Variants in PPFIA3 observed in about 807,000 individuals in gnomAD.
The protein encoded by PPFIA3 is liprin-alpha-3.
A neutral mutation model predicts 145.8 loss-of-function variants in PPFIA3; 26 were observed. The ratio of observed to expected loss-of-function variants is 0.18; its 90% CI spans 0.13 to 0.25. PPFIA3 has a LOEUF of 0.25. Among genes scored for constraint, PPFIA3 ranks in the 10% least tolerant of loss-of-function variants. PPFIA3 has a pLI of 1.00. For synonymous variants in PPFIA3, 645 were observed against 661.4 expected, an observed-to-expected ratio of 0.98 and a Z score of 0.38; for missense variants, 1,008 against 1,587.8, an observed-to-expected ratio of 0.63 and a Z score of 6.21.
rs2041051391 is a variant in PPFIA3, at chr19:49,130,174, C to A, written c.657+107C>A. 1 of 1,281,382 alleles carries A rather than the reference C, an allele frequency of 7.8e-7. No individual in the cohort carries two copies. 79.4% of individuals were successfully genotyped at this position (1,281,382 alleles called of 1,614,324 possible). On this transcript the variant is annotated intron_variant, in intron 6 of 29. Transcript: ENST00000334186. This position sits in a 1 kb window ranked among gnomAD's most constrained non-coding sequence, Gnocchi z 4.5. ...CTCACTGGCCCTAAGACGGCTGCAC[C>A]TGTAAGAGTGTCACAGAGCTTGGAC...
Position 49,133,749 on chromosome 19 carries a change from A to G in PPFIA3, c.1162-47A>G. On this transcript the variant is annotated intron_variant, in intron 9 of 29. Transcript: ENST00000334186. The surrounding 1 kb of genome is among the most constrained non-coding windows in gnomAD (Gnocchi z 7.2). The stretch of plus-strand genomic sequence containing the variant: ...TGGAGGAGGTGGGGCTGGGAGCCTG[A>G]CTGATCCTGGAAGGGTAAGTCACAC... The G allele has an allele frequency of 6.3e-7, 1 of 1,587,888 alleles. No individual in the cohort carries two copies. The highest frequency in any genetic ancestry group is 8.6e-7 in the Non-Finnish European group (1 of 1,160,458).
intron 17 of PPFIA3, 34 bp downstream of exon 17, chr19:49,139,865 G>C: frequency 6.2e-7 from 1 of 1,610,450 alleles, no homozygotes; most frequent in Non-Finnish European, 8.5e-7. Context: ...ACAGGGAGAA[G>C]CTGGCTTGGG....
At chr19:49,143,615 C>A (rs1255191065) in intron 21 of PPFIA3, among the ~76,000 whole-genome samples, 1 of 152,290 alleles carries the variant, frequency 6.6e-6, no homozygotes, top group Non-Finnish European at 1.5e-5. Flanking sequence ...TCAGGTGATC[C>A]GCCCGCCTCG....
Position 49,128,347 on chromosome 19 carries a change from T to A in PPFIA3, c.241-20T>A. 2 of 1,611,304 alleles carry A rather than the reference T, an allele frequency of 1.2e-6. No individual in the cohort carries two copies. Among genetic ancestry groups the A allele is most frequent in the Non-Finnish European group, 1.7e-6 (2 of 1,177,542 alleles). On this transcript the variant is annotated intron_variant, in intron 2 of 29. Coordinates refer to ENST00000334186, the MANE Select transcript of PPFIA3 (RefSeq NM_003660.4). The surrounding 1 kb of genome is among the most constrained non-coding windows in gnomAD (Gnocchi z 4.1). ...GAAAGGATTGAGCCGAATGTCCAGA[T>A]CCTGCCAATGTCTGGACAGGAGTTT...
intron 21 of PPFIA3, among the ~76,000 whole-genome samples, chr19:49,145,489 G>A (rs1366118227): frequency 6.6e-6 from 1 of 152,092 alleles, no homozygotes; most frequent in Non-Finnish European, 1.5e-5. Flanking sequence ...ACGGTGACTG[G>A]TGCCTGACAC....
intron 23 of PPFIA3, 191 bp downstream of exon 23, chr19:49,146,383 G>A: frequency 1.5e-6 from 1 of 680,478 alleles, no homozygotes; most frequent in South Asian, 1.9e-5. Flanking sequence ...GATGCGATGT[G>A]GAAGCCCAGA....
intron 12 of PPFIA3, 25 bp downstream of exon 12, chr19:49,134,726 G>A (rs1334139624): frequency 2.5e-6 from 4 of 1,612,794 alleles, no homozygotes; most frequent in Admixed American, 3.3e-5. Context: ...GGGGACAGGA[G>A]GAGGATGTTG....
At position 49,130,476 on chromosome 19, in the gene PPFIA3, G is replaced by C. The variant is rs146606850; in HGVS notation, c.756G>C (p.Leu252=). The C allele has an allele frequency of 2.8e-4, 457 of 1,606,586 alleles. No homozygotes were observed. In the African/African-American group the frequency reaches 5.3e-3, roughly 19 times the overall value. The change falls in exon 7 of 30, where the codon CTG becomes CTC. Residue 252 remains leucine, a synonymous_variant. Transcript: ENST00000334186. The surrounding 1 kb of genome is among the most constrained non-coding windows in gnomAD (Gnocchi z 4.5). ...LERQRAEVCQ[L]RERLAVLCRQ... ...GGCAGCGCGCCGAGGTGTGCCAGCT[G>C]CGGGAGCGCCTGGCGGTGCTGTGCC... is the stretch of plus-strand genomic sequence containing the variant.
chr19:49,130,548 G>A lies in PPFIA3; in HGVS notation c.828G>A (p.Glu276=), dbSNP rs762741261. The change falls in exon 7 of 30, where the codon GAG becomes GAA. Residue 276 remains glutamate (E), a synonymous_variant. Coordinates refer to ENST00000334186, the MANE Select transcript of PPFIA3 (RefSeq NM_003660.4). This position sits in a 1 kb window ranked among gnomAD's most constrained non-coding sequence, Gnocchi z 4.5. The part of the protein sequence containing the change: ...LEEELGTAHR[E]LGKAEEANSK... ...AGGAGTTGGGCACCGCGCACCGTGAGCTGGGCAAGGCAGAGGAAGCCAACT... is the reference window on the plus strand; with the variant it reads ...AGGAGTTGGGCACCGCGCACCGTGAACTGGGCAAGGCAGAGGAAGCCAACT... The A allele has an allele frequency of 1.1e-5, 17 of 1,573,340 alleles. No homozygotes were observed. The African/African-American group carries it at 1.7e-4, about 16-fold the overall frequency.
chr19:49,124,049 CT>C (rs34623414), intron 1 of PPFIA3, among the ~76,000 whole-genome samples: 1 of 152,080 alleles, frequency 6.6e-6, no homozygotes, highest in Admixed American at 6.6e-5. Flanking sequence ...AACATGCATC[CT>C]TTTGATCCCT....
At chr19:49,137,503 G>A (rs972970408) in intron 15 of PPFIA3, among the ~76,000 whole-genome samples, 4 of 151,788 alleles carry the variant, frequency 2.6e-5, no homozygotes, top group African/African-American at 7.2e-5. Context: ...GGTGGCAGGC[G>A]CCCGTAGTCC....
In PPFIA3 at chr19:49,145,990, G is replaced by A. The variant is rs138037983; in HGVS notation, c.2793G>A (p.Thr931=). The A allele has an allele frequency of 1.3e-4, 204 of 1,613,822 alleles. No individual in the cohort carries two copies. Among genetic ancestry groups the A allele is most frequent in the African/African-American group, 2.8e-4 (21 of 74,836 alleles). ...WMTHEEMESL[T]ATTKPETKEI... ...CACACGAGGAGATGGAGTCCCTTAC[G>A]GCCACGACCAAGCCCGTGAGTGCCC... The change falls in exon 22 of 30, where the codon ACG becomes ACA. Residue 931 remains threonine, a synonymous_variant. Coordinates refer to ENST00000334186, the MANE Select transcript of PPFIA3 (RefSeq NM_003660.4).
At chr19:49,129,265 A>C (rs1239065066) in intron 4 of PPFIA3, 115 bp from the exon 5 acceptor site, 1 of 1,135,040 alleles carries the variant, frequency 8.8e-7, no homozygotes, top group Non-Finnish European at 1.2e-6. Flanking sequence ...CGTTATGGAG[A>C]CAGGAGCCCC....
In PPFIA3 at chr19:49,128,991, C is replaced by T; in HGVS notation, c.486C>T (p.His162=). 6.2e-7 allele frequency: 1 copy of T among 1,602,316 alleles called. No homozygotes were observed. The highest frequency in any genetic ancestry group is 8.5e-7 in the Non-Finnish European group (1 of 1,174,608). Reference sequence around the variant, plus strand: ...AAGCTCTAAAGTCTCTCTTCGAGCACCACAAGGCCCTGGATGAGAAGGTAT... The same window carrying T: ...AAGCTCTAAAGTCTCTCTTCGAGCATCACAAGGCCCTGGATGAGAAGGTAT... ...VLKALKSLFE[H]HKALDEKVRE... is the part of the protein sequence containing the mutation. Residue 162 remains histidine (H), a synonymous_variant, in exon 4 of 30, where the codon CAC becomes CAT. Transcript: ENST00000334186. The surrounding 1 kb of genome is among the most constrained non-coding windows in gnomAD (Gnocchi z 4.1).
chr19:49,131,359 A>G lies in PPFIA3; in HGVS notation c.879+760A>G, dbSNP rs1441570631. ...AATTTTTTTTTTTTTTTTTTTTTGT[A>G]TCTTCAGTAGAAATGGGGTTTCACT... is the stretch of plus-strand genomic sequence containing the variant. On this transcript the variant is annotated intron_variant, in intron 7 of 29. Transcript: ENST00000334186. Among the ~76,000 whole-genome samples, 99 of 77,414 alleles carry G rather than the reference A, an allele frequency of 1.3e-3. 1 individual carries two copies. Among genetic ancestry groups the G allele is most frequent in the African/African-American group, 3.6e-3 (72 of 20,038 alleles). The allele number at this position is 77,414 out of a possible 152,430, so 50.8% of individuals were successfully genotyped here.
Position 49,128,321 on chromosome 19 carries a change from G to A in PPFIA3, c.241-46G>A. 1 of 1,601,102 alleles carries A rather than the reference G, an allele frequency of 6.2e-7. No homozygotes were observed. The highest frequency in any genetic ancestry group is 8.6e-7 in the Non-Finnish European group (1 of 1,168,470). ...CAGTCCCAGTGAATGAAGGAGACAG[G>A]GAAAGGATTGAGCCGAATGTCCAGA... On this transcript the variant is annotated intron_variant, in intron 2 of 29. Transcript: ENST00000334186. The surrounding 1 kb of genome is among the most constrained non-coding windows in gnomAD (Gnocchi z 4.1).
chr19:49,121,792 T>C (rs1204540399), intron 1 of PPFIA3, among the ~76,000 whole-genome samples: 1 of 151,944 alleles, frequency 6.6e-6, no homozygotes, highest in East Asian at 1.9e-4. Context: ...AAAATTTTAT[T>C]TATTTATTTA....
intron 7 of PPFIA3, among the ~76,000 whole-genome samples, chr19:49,132,638 C>T (rs1198095096): frequency 6.6e-6 from 1 of 152,022 alleles, no homozygotes; most frequent in Non-Finnish European, 1.5e-5. Flanking sequence ...CATGAGACCC[C>T]AGGACACTTG....
chr19:49,146,313 C>T, intron 23 of PPFIA3, 121 bp downstream of exon 23: 1 of 1,280,996 alleles, frequency 7.8e-7, no homozygotes, highest in Non-Finnish European at 1.1e-6. Context: ...TGGGGGGGCG[C>T]TGCGCCAAGC....
Sources: gnomAD v4.1 joint callset for allele counts (sites outside exome capture counted in the v4.1 genomes callset) on GRCh38, gnomAD v4.1.1 for gene constraint, Gnocchi (gnomAD v3.1) non-coding constraint, MANE v1.5 for transcripts, NCBI Gene and HGNC (gene_info 2026-07-23, HGNC 2026-07-21) for gene names.